Variants in ROBO2 observed in about 807,000 individuals in gnomAD.
The protein encoded by ROBO2 is roundabout homolog 2.
A neutral mutation model predicts 160.8 loss-of-function variants in ROBO2; 53 were observed. The ratio of observed to expected loss-of-function variants is 0.33; its 90% confidence interval spans 0.26 to 0.41. The LOEUF (loss-of-function observed/expected upper bound fraction) is 0.41, where lower values mean the gene tolerates loss of function less well. Among genes scored for constraint, ROBO2 ranks in the 10% least tolerant of loss-of-function variants. The pLI is 1.00. For missense variants in ROBO2, 1,577 were observed against 1,722.4 expected (o/e 0.92, Z 1.49); for synonymous variants, 664 against 611.7 (o/e 1.09, Z -1.26).
rs9881272 is a variant in ROBO2, at chr3:76,072,472, C to T, written c.109+134870C>T. Among the ~76,000 whole-genome samples, 1,452 of 151,864 alleles carry T rather than the reference C, an allele frequency of 9.6e-3. 27 individuals carry two copies. Among genetic ancestry groups the T allele is most frequent in the African/African-American group, 0.034 (1,405 of 41,416 alleles). On this transcript the variant is annotated intron_variant, in intron 2 of 26. Coordinates refer to the ROBO2 transcript ENST00000487694. Reference sequence around the variant, plus strand: ...AATAAAACTTGAGAGATGCATTTACCAGTTTATCCAATAAGGCCTTTTCTT... The same window carrying T: ...AATAAAACTTGAGAGATGCATTTACTAGTTTATCCAATAAGGCCTTTTCTT...
At chr3:76,851,603 C>T (rs1276924791) in intron 2 of ROBO2, among the ~76,000 whole-genome samples, 6 of 149,948 alleles carry the variant, frequency 4.0e-5, no homozygotes, top group Non-Finnish European at 7.4e-5. Context: ...GGCGCGGTGG[C>T]GGGCGCCTGT....
At chr3:76,783,945 T>C (rs1409959232) in intron 2 of ROBO2, among the ~76,000 whole-genome samples, 1 of 151,136 alleles carries the variant, frequency 6.6e-6, no homozygotes, top group Non-Finnish European at 1.5e-5. Context: ...AATTGGATCA[T>C]TTCAAATTAT....
At chr3:76,740,585 A>C (rs2108027574) in intron 2 of ROBO2, among the ~76,000 whole-genome samples, 1 of 152,296 alleles carries the variant, frequency 6.6e-6, no homozygotes. Flanking sequence ...TTACATGCAT[A>C]AAAAGCTTTG....
At chr3:76,853,690 C>T (rs766407141) in intron 2 of ROBO2, among the ~76,000 whole-genome samples, 27 of 152,046 alleles carry the variant, frequency 1.8e-4, no homozygotes, top group Non-Finnish European at 4.0e-4. Context: ...AATCAAAGAC[C>T]ACCAGAAGAG....
At chr3:76,070,663 C>G (rs2068422810) in intron 2 of ROBO2, among the ~76,000 whole-genome samples, 1 of 152,232 alleles carries the variant, frequency 6.6e-6, no homozygotes, top group South Asian at 2.1e-4. Context: ...TTGAAAATCT[C>G]TAATAAAAAC....
intron 2 of ROBO2, among the ~76,000 whole-genome samples, chr3:76,478,018 C>CTTTATT (rs967443412): frequency 7.5e-6 from 1 of 133,514 alleles, no homozygotes; most frequent in African/African-American, 3.0e-5. Context: ...GCCGCTACTT[C>CTTTATT]TTTATTATTA....
intron 2 of ROBO2, among the ~76,000 whole-genome samples, chr3:76,834,171 T>TC (rs2067438490): frequency 2.6e-5 from 3 of 117,010 alleles, no homozygotes; most frequent in Non-Finnish European, 3.7e-5. Context: ...CTTTCTTTCT[T>TC]TCTCTCTCTC....
intron 13 of ROBO2, among the ~76,000 whole-genome samples, chr3:77,572,512 C>G (rs1402326557): frequency 1.3e-5 from 2 of 150,818 alleles, no homozygotes; most frequent in Admixed American, 1.3e-4. Flanking sequence ...TTTTTTTTAC[C>G]TGACCTCATA....
chr3:77,306,318 T>C (rs563833162), intron 2 of ROBO2, among the ~76,000 whole-genome samples: 36 of 152,276 alleles, frequency 2.4e-4, no homozygotes, highest in African/African-American at 7.5e-4. Context: ...AAAACTCTTA[T>C]AGTACATATG....
Position 76,472,183 on chromosome 3 carries a change from T to C in ROBO2, c.109+534581T>C, listed in dbSNP as rs1331377185. Among the ~76,000 whole-genome samples, 5 of 151,998 alleles carry C rather than the reference T, an allele frequency of 3.3e-5. No individual in the cohort carries two copies. The East Asian group carries it at 9.7e-4, about 29-fold the overall frequency. On this transcript the variant is annotated intron_variant, in intron 2 of 26. Transcript: ENST00000487694. ...ACCATAAAAGTGACAGAAAAAAATA[T>C]GCAATATGTATTCAGCAAAAATGAA...
chr3:77,427,208 G>A (rs1581851314), intron 2 of ROBO2, among the ~76,000 whole-genome samples: 2 of 152,206 alleles, frequency 1.3e-5, no homozygotes, highest in African/African-American at 4.8e-5. Flanking sequence ...TCTTGCCGCT[G>A]ATCCTGAAGT....
intron 2 of ROBO2, among the ~76,000 whole-genome samples, chr3:77,107,197 T>A (rs1207328421): frequency 6.6e-6 from 1 of 152,166 alleles, no homozygotes; most frequent in Non-Finnish European, 1.5e-5. Context: ...CATGACCTAA[T>A]CATCTTCCAA....
At chr3:75,946,083 C>T (rs1948279752) in intron 2 of ROBO2, among the ~76,000 whole-genome samples, 2 of 151,976 alleles carry the variant, frequency 1.3e-5, no homozygotes, top group African/African-American at 4.8e-5. Flanking sequence ...TTTCCTTCTA[C>T]CAGGAAAAAA....
intron 2 of ROBO2, among the ~76,000 whole-genome samples, chr3:76,887,805 T>C (rs1436659602): frequency 6.6e-6 from 1 of 152,268 alleles, no homozygotes; most frequent in East Asian, 1.9e-4. Flanking sequence ...TCAAGTGTCT[T>C]CTTATATCCC....
intron 2 of ROBO2, among the ~76,000 whole-genome samples, chr3:77,161,224 T>G (rs557582425): frequency 4.6e-5 from 7 of 152,326 alleles, no homozygotes; most frequent in Admixed American, 2.0e-4. Flanking sequence ...ATAATAATTA[T>G]GTGTTTGGAA....
At chr3:76,482,921 A>G (rs2079287906) in intron 2 of ROBO2, among the ~76,000 whole-genome samples, 1 of 152,132 alleles carries the variant, frequency 6.6e-6, no homozygotes, top group African/African-American at 2.4e-5. Flanking sequence ...TTACAAACTC[A>G]GTTACTTAAT....
chr3:77,087,188 C>G (rs9847542), intron 1 of ROBO2, among the ~76,000 whole-genome samples: 10,553 of 152,070 alleles, frequency 0.069, 405 homozygotes, highest in East Asian at 0.12. Context: ...TAAGTAAAAT[C>G]CCCTTTTCTG....
At chr3:76,039,674 A>T (rs2067223075) in intron 2 of ROBO2, among the ~76,000 whole-genome samples, 1 of 152,030 alleles carries the variant, frequency 6.6e-6, no homozygotes. Context: ...ACTAATAAGG[A>T]AGAAGGAGTT....
intron 2 of ROBO2, among the ~76,000 whole-genome samples, chr3:76,106,532 T>C (rs944548656): frequency 6.6e-6 from 1 of 152,106 alleles, no homozygotes; most frequent in Non-Finnish European, 1.5e-5. Flanking sequence ...ATAGTTTTAT[T>C]TGGTTGTTGA....
Sources: gnomAD v4.1 joint callset for allele counts (sites outside exome capture counted in the v4.1 genomes callset) on GRCh38, gnomAD v4.1.1 for gene constraint, MANE v1.5 for transcripts, NCBI Gene and HGNC (gene_info 2026-07-23, HGNC 2026-07-21) for gene names.